Variants in SPATA13 observed in about 807,000 individuals in gnomAD.
SPATA13 encodes the protein spermatogenesis associated 13.
Under a neutral mutation model 104.0 loss-of-function variants are expected in SPATA13, and 50 were observed. The ratio of observed to expected loss-of-function variants is 0.48; its 90% CI spans 0.38 to 0.61. The LOEUF (loss-of-function observed/expected upper bound fraction) is 0.61, where lower values mean the gene tolerates loss of function less well. Among genes scored for constraint, SPATA13 ranks in the 20% least tolerant of loss-of-function variants. The probability of loss-of-function intolerance (pLI) is 0.00; values close to 1 mark genes in which losing one functional copy is unlikely to be tolerated. For synonymous variants in SPATA13, 606 were observed against 667.5 expected (o/e 0.91, Z 1.42); for missense variants, 1,524 against 1,690.6 (o/e 0.90, Z 1.73).
chr13:24,168,632 G>A (rs867890770), intron 1 of SPATA13, among the ~76,000 whole-genome samples: 1 of 152,124 alleles, frequency 6.6e-6, no homozygotes, highest in Non-Finnish European at 1.5e-5. Flanking sequence ...ATTGTCACTC[G>A]CGTTACCCAC....
intron 3 of SPATA13, among the ~76,000 whole-genome samples, chr13:24,081,550 T>C (rs1879521684): frequency 6.6e-6 from 1 of 151,944 alleles, no homozygotes; most frequent in African/African-American, 2.4e-5. Context: ...GACTCATGCA[T>C]GTAATCGCAG....
intron 2 of SPATA13, among the ~76,000 whole-genome samples, chr13:23,998,116 C>T (rs533148033): frequency 5.3e-5 from 8 of 152,154 alleles, no homozygotes; most frequent in Non-Finnish European, 8.8e-5. Flanking sequence ...GTGATATGTA[C>T]GTTTAACTTT....
Position 24,223,104 on chromosome 13 carries a change from G to C in SPATA13, c.175G>C (p.Asp59His), listed in dbSNP as rs751531943. 3.9e-5 allele frequency: 60 copies of C among 1,551,564 alleles called. No individual in the cohort carries two copies. The South Asian group carries it at 6.5e-4, about 17-fold the overall frequency. The change falls in exon 2 of 13, where the codon GAC becomes CAC. Residue 59 changes from aspartate to histidine, a missense_variant. Asp to His is a moderately conservative substitution (Grantham distance 81). This residue lies in a region of SPATA13 where 1,089 missense variants were observed against 1,135.9 expected (regional missense o/e 0.96). Coordinates refer to ENST00000382108, the MANE Select transcript of SPATA13 (RefSeq NM_001166271.3). Reference protein sequence around the residue: ...NGVCGCSPGGDTDTQEAKLSP... With the variant: ...NGVCGCSPGGHTDTQEAKLSP... ...AGTCTGTGGCTGCAGCCCTGGTGGC[G>C]ACACGGACACCCAGGAAGCCAAACT... is the stretch of plus-strand genomic sequence containing the variant.
intron 7 of SPATA13, among the ~76,000 whole-genome samples, chr13:24,288,795 G>A (rs1283676594): frequency 6.6e-6 from 1 of 152,168 alleles, no homozygotes; most frequent in Admixed American, 6.5e-5. Context: ...AAATCCAACC[G>A]CATGAGCCTT....
chr13:24,243,336 A>G (rs1872951552), intron 2 of SPATA13, among the ~76,000 whole-genome samples: 1 of 152,186 alleles, frequency 6.6e-6, no homozygotes, highest in Non-Finnish European at 1.5e-5. Context: ...AGGTTTTACC[A>G]GATTGCCCAG....
intron 3 of SPATA13, among the ~76,000 whole-genome samples, chr13:24,085,196 C>G (rs1051080513): frequency 6.6e-6 from 1 of 152,158 alleles, no homozygotes; most frequent in African/African-American, 2.4e-5. Flanking sequence ...AATCTGGGCT[C>G]ACTGCAACCT....
At chr13:24,300,764 C>T (rs1877127192) in intron 12 of SPATA13, among the ~76,000 whole-genome samples, 1 of 152,192 alleles carries the variant, frequency 6.6e-6, no homozygotes, top group African/African-American at 2.4e-5. Context: ...CTCCCCTCCC[C>T]CAAGTGCTGA....
intron 3 of SPATA13, among the ~76,000 whole-genome samples, chr13:24,114,824 G>C (rs970687914): frequency 3.9e-4 from 59 of 152,192 alleles, no homozygotes; most frequent in African/African-American, 1.3e-3. Context: ...CACCACGCCT[G>C]GCTAATTTTG....
chr13:24,063,085 C>A (rs1878831448), intron 3 of SPATA13, among the ~76,000 whole-genome samples: 1 of 151,926 alleles, frequency 6.6e-6, no homozygotes, highest in Admixed American at 6.6e-5. Context: ...TGCCTGAGAC[C>A]CAGCCCTGCC....
In SPATA13 at chr13:24,305,577, G is replaced by C. The variant is rs537738670; in HGVS notation, c.*2804G>C. Reference sequence around the variant, plus strand: ...TGATTTGAGTCACGTGTTCCACTTGGAAAGAAAGGGAACAGAGAGCCTCCT... The same window carrying C: ...TGATTTGAGTCACGTGTTCCACTTGCAAAGAAAGGGAACAGAGAGCCTCCT... On this transcript the variant is annotated 3_prime_UTR_variant, in exon 13 of 13. Transcript: ENST00000382108. The C allele has an allele frequency of 3.9e-5, 6 of 152,164 alleles. No individual in the cohort carries two copies. The highest frequency in any genetic ancestry group is 7.3e-5 in the Non-Finnish European group (5 of 68,040). The allele number at this position is 152,164 out of a possible 1,614,324, so 9.4% of individuals were successfully genotyped here.
rs190090936 is a variant in SPATA13, at chr13:24,011,122, G to A, written c.-146-6545G>A. ...CTCCCCAGGTCCTGACCACCTGGCC[G>A]TGGGCCCCTCCCTGTAGAGCCACAC... On this transcript the variant is annotated intron_variant, in intron 2 of 14. Coordinates refer to the SPATA13 transcript ENST00000424834. This position sits in a 1 kb window ranked among gnomAD's most constrained non-coding sequence, Gnocchi z 4.3. 1.1e-4 allele frequency among the ~76,000 whole-genome samples: 16 copies of A among 152,182 alleles called. No homozygotes were observed. The highest frequency in any genetic ancestry group is 4.6e-4 in the Admixed American group (7 of 15,302).
At chr13:24,118,516 G>A (rs1221860507) in intron 3 of SPATA13, among the ~76,000 whole-genome samples, 3 of 151,472 alleles carry the variant, frequency 2.0e-5, no homozygotes, top group Non-Finnish European at 4.4e-5. Context: ...TTCATTCCAA[G>A]CTTGTAGCCT....
At position 24,147,155 on chromosome 13, in the gene SPATA13, T is replaced by G. The variant is rs373733596; in HGVS notation, c.-111-75664T>G. ...ATCAAGAATGGAATGCTTTTTCCACTTATAATTAAAATTGTTTCAAGAAGA... is the reference window on the plus strand; with the variant it reads ...ATCAAGAATGGAATGCTTTTTCCACGTATAATTAAAATTGTTTCAAGAAGA... On this transcript the variant is annotated intron_variant, in intron 3 of 14. Transcript: ENST00000424834. Among the ~76,000 whole-genome samples the G allele has an allele frequency of 3.0e-4, 45 of 152,292 alleles. No individual in the cohort carries two copies. In the East Asian group the frequency reaches 5.8e-3, roughly 20 times the overall value.
At chr13:24,099,892 C>T (rs1292397933) in intron 3 of SPATA13, among the ~76,000 whole-genome samples, 4 of 152,182 alleles carry the variant, frequency 2.6e-5, no homozygotes, top group Non-Finnish European at 5.9e-5. Context: ...TGAATGAACA[C>T]TTGGATGAAA....
intron 4 of SPATA13, among the ~76,000 whole-genome samples, chr13:24,267,958 T>C (rs1296717439): frequency 6.6e-6 from 1 of 152,246 alleles, no homozygotes; most frequent in African/African-American, 2.4e-5. Context: ...TGATTCTGAT[T>C]CTGCAGACCT....
chr13:24,115,245 C>T (rs531429649), intron 3 of SPATA13, among the ~76,000 whole-genome samples: 2 of 152,360 alleles, frequency 1.3e-5, no homozygotes, highest in East Asian at 3.9e-4. Context: ...CAGCAGCAGT[C>T]ATGGCAGCAG....
intron 9 of SPATA13, 96 bp from the exon 10 acceptor site, chr13:24,294,643 C>A: frequency 1.5e-6 from 2 of 1,347,472 alleles, no homozygotes; most frequent in South Asian, 1.6e-5. Flanking sequence ...TTGTCTAGAG[C>A]ATTCGTATAC....
intron 3 of SPATA13, among the ~76,000 whole-genome samples, chr13:24,079,056 G>A (rs55898650): frequency 0.064 from 9,692 of 152,256 alleles, 339 homozygotes; most frequent in Middle Eastern, 0.11. Context: ...GAAAATTGGA[G>A]AGGGCTTCTT....
chr13:24,225,865 C>T (rs1313196672), intron 2 of SPATA13, among the ~76,000 whole-genome samples: 1 of 152,300 alleles, frequency 6.6e-6, no homozygotes, highest in African/African-American at 2.4e-5. Context: ...GCGAGCCATC[C>T]GGGAAAGTGT....
Sources: gnomAD v4.1 joint callset for allele counts (sites outside exome capture counted in the v4.1 genomes callset) on GRCh38, gnomAD v4.1.1 for gene constraint, gnomAD v4.1.1 regional missense constraint, Gnocchi (gnomAD v3.1) non-coding constraint, MANE v1.5 for transcripts, NCBI Gene and HGNC (gene_info 2026-07-23, HGNC 2026-07-21) for gene names.